Variants in SNX3 observed in about 807,000 individuals in gnomAD.
The protein encoded by SNX3 is sorting nexin-3.
SNX3 carries 5 observed loss-of-function variants against 17.7 expected under a neutral mutation model. That is an observed-to-expected ratio of 0.28 (90% CI 0.15 to 0.59). The LOEUF is 0.59. Ranked by LOEUF, SNX3 falls within the 20% of genes least tolerant of loss-of-function variation. The pLI, the probability that SNX3 is intolerant of heterozygous loss-of-function variation, is 0.88. For synonymous variants in SNX3, 91 were observed against 76.5 expected (o/e 1.19, Z -0.99); for missense variants, 132 against 206.8 (o/e 0.64, Z 2.22).
chr6:108,225,299 A>G (rs991502102), intron 1 of SNX3, among the ~76,000 whole-genome samples: 1 of 150,798 alleles, frequency 6.6e-6, no homozygotes, highest in Non-Finnish European at 1.5e-5. Flanking sequence ...AAAAACAACA[A>G]CAAGAAAAAA....
At chr6:108,212,543 G>T (rs1488285120) in intron 3 of SNX3, among the ~76,000 whole-genome samples, 1 of 152,022 alleles carries the variant, frequency 6.6e-6, no homozygotes, top group African/African-American at 2.4e-5. Flanking sequence ...TCACCATGTT[G>T]GCCAGGCTAG....
intron 1 of SNX3, among the ~76,000 whole-genome samples, chr6:108,246,481 T>G (rs892199603): frequency 6.6e-6 from 1 of 150,878 alleles, no homozygotes; most frequent in Non-Finnish European, 1.5e-5. Flanking sequence ...CACACCACCA[T>G]GCCTAATTTT....
chr6:108,229,580 A>C (rs971801421), intron 1 of SNX3, among the ~76,000 whole-genome samples: 1 of 151,578 alleles, frequency 6.6e-6, no homozygotes, highest in Non-Finnish European at 1.5e-5. Context: ...GCCAGTCAGG[A>C]CTCTTTTTCG....
intron 1 of SNX3, among the ~76,000 whole-genome samples, chr6:108,231,230 C>T (rs1775141810): frequency 6.6e-6 from 1 of 152,038 alleles, no homozygotes; most frequent in Non-Finnish European, 1.5e-5. Flanking sequence ...GGATTACAGG[C>T]ACGCGCCACC....
intron 1 of SNX3, among the ~76,000 whole-genome samples, chr6:108,234,765 TC>T (rs1775274381): frequency 6.6e-6 from 1 of 152,114 alleles, no homozygotes; most frequent in Non-Finnish European, 1.5e-5. Context: ...TATACAGACA[TC>T]CCTGGGTGAG....
chr6:108,217,280 T>G (rs1323568278), intron 2 of SNX3, among the ~76,000 whole-genome samples: 1 of 151,844 alleles, frequency 6.6e-6, no homozygotes, highest in Non-Finnish European at 1.5e-5. Context: ...AGGATAGCTA[T>G]GCATTATCCT....
intron 2 of SNX3, 55 bp downstream of exon 2, chr6:108,222,895 A>T (rs1774843958): frequency 1.0e-6 from 1 of 1,001,278 alleles, no homozygotes; most frequent in Non-Finnish European, 1.6e-6. Flanking sequence ...GAGAAATATT[A>T]AACATTAAAA....
At chr6:108,257,559 ACT>A (rs1386454478) in intron 1 of SNX3, among the ~76,000 whole-genome samples, 2 of 152,156 alleles carry the variant, frequency 1.3e-5, no homozygotes, top group East Asian at 3.8e-4. Context: ...TGTCATAGCC[ACT>A]CTGCCTTAAT....
At chr6:108,212,781 C>G (rs1377290083) in intron 3 of SNX3, among the ~76,000 whole-genome samples, 1 of 151,846 alleles carries the variant, frequency 6.6e-6, no homozygotes, top group Non-Finnish European at 1.5e-5. Context: ...CTGCTTGTGG[C>G]ACATGTACCC....
At chr6:108,260,448 T>C (rs1416260427) in intron 1 of SNX3, among the ~76,000 whole-genome samples, 1 of 152,110 alleles carries the variant, frequency 6.6e-6, no homozygotes, top group Non-Finnish European at 1.5e-5. Flanking sequence ...AAGGGATGTG[T>C]TCTCGAAAGA....
chr6:108,215,389 T>C (rs1436532506), intron 2 of SNX3, among the ~76,000 whole-genome samples: 2 of 151,986 alleles, frequency 1.3e-5, no homozygotes, highest in African/African-American at 4.8e-5. Flanking sequence ...CTTCAACCTC[T>C]TACCATCTGC....
chr6:108,223,458 A>G (rs1351748785), intron 1 of SNX3, among the ~76,000 whole-genome samples: 1 of 140,592 alleles, frequency 7.1e-6, no homozygotes, highest in Non-Finnish European at 1.5e-5. Flanking sequence ...TGTTTTTAAT[A>G]TGACCTTTTA....
intron 1 of SNX3, among the ~76,000 whole-genome samples, chr6:108,253,398 T>TTC: frequency 6.6e-6 from 1 of 151,240 alleles, no homozygotes; most frequent in Non-Finnish European, 1.5e-5. Flanking sequence ...TATGTCTTTT[T>TTC]TTTTTTTTTT....
intron 2 of SNX3, among the ~76,000 whole-genome samples, chr6:108,219,178 G>A (rs975567873): frequency 7.3e-5 from 11 of 151,614 alleles, no homozygotes; most frequent in Middle Eastern, 3.4e-3. Flanking sequence ...GTGAAACCCC[G>A]TCTCTACTAA....
chr6:108,226,036 C>T (rs1326494046), intron 1 of SNX3, among the ~76,000 whole-genome samples: 2 of 138,342 alleles, frequency 1.4e-5, no homozygotes, highest in South Asian at 2.4e-4. Flanking sequence ...ACAAATGAGA[C>T]CCTCTCTCTC....
At chr6:108,248,350 T>C (rs1050863461) in intron 1 of SNX3, among the ~76,000 whole-genome samples, 25 of 152,232 alleles carry the variant, frequency 1.6e-4, no homozygotes, top group African/African-American at 5.8e-4. Flanking sequence ...TAAATGTTCA[T>C]TTATTGGACA....
intron 1 of SNX3, among the ~76,000 whole-genome samples, chr6:108,233,095 G>T (rs1775222665): frequency 6.6e-6 from 1 of 152,118 alleles, no homozygotes; most frequent in Non-Finnish European, 1.5e-5. Flanking sequence ...AAACAGTAGA[G>T]AATAAATTAT....
intron 1 of SNX3, among the ~76,000 whole-genome samples, chr6:108,225,065 G>A (rs887603959): frequency 3.3e-5 from 5 of 151,914 alleles, no homozygotes; most frequent in Non-Finnish European, 7.4e-5. Flanking sequence ...GGCGGATCAC[G>A]AGGTCAGGAG....
rs1266216585 is a variant in SNX3, at chr6:108,241,638, C to T, written c.163-18593G>A. On this transcript the variant is annotated intron_variant, in intron 1 of 3. Coordinates refer to ENST00000230085, the MANE Select transcript of SNX3 (RefSeq NM_003795.6). The stretch of plus-strand genomic sequence containing the variant: ...CTTAAAAAAAAAAAATTGATCCGTG[C>T]TATCACCACCTCATACTACAGACTT... Among the ~76,000 whole-genome samples the T allele has an allele frequency of 4.6e-5, 7 of 151,956 alleles. 1 individual carries two copies. The highest frequency in any genetic ancestry group is 3.4e-3 in the Middle Eastern group (1 of 292).
Sources: gnomAD v4.1 joint callset for allele counts (sites outside exome capture counted in the v4.1 genomes callset) on GRCh38, gnomAD v4.1.1 for gene constraint, MANE v1.5 for transcripts, NCBI Gene and HGNC (gene_info 2026-07-23, HGNC 2026-07-21) for gene names.